The following NRG1 variants were observed in gnomAD, a reference collection of about 807,000 sequenced individuals.
NRG1 encodes pro-neuregulin-1, membrane-bound isoform.
Under a neutral mutation model 63.8 loss-of-function variants are expected in NRG1, and 18 were observed. That is an observed-to-expected ratio of 0.28 (90% CI 0.19 to 0.42). The LOEUF is 0.42. NRG1 is among the 10% of genes least tolerant of loss of function. NRG1 has a pLI of 1.00. For synonymous variants in NRG1, 302 were observed against 301.3 expected (o/e 1.00, Z -0.02); for missense variants, 762 against 814.7 (o/e 0.94, Z 0.79).
At chr8:31,642,422 A>G (rs1803883940) in intron 1 of NRG1, among the ~76,000 whole-genome samples, 1 of 152,230 alleles carries the variant, frequency 6.6e-6, no homozygotes, top group Admixed American at 6.5e-5. Context: ...GTGCATTACT[A>G]CATTATCAAT....
intron 1 of NRG1, among the ~76,000 whole-genome samples, chr8:31,659,059 T>C (rs953189407): frequency 1.3e-5 from 2 of 152,164 alleles, no homozygotes; most frequent in African/African-American, 4.8e-5. Context: ...TGTACCACTC[T>C]CCAGATGTTT....
At chr8:32,750,927 A>G (rs975099072) in intron 7 of NRG1, 1 of 152,032 alleles carries the variant, frequency 6.6e-6, no homozygotes, top group Non-Finnish European at 1.5e-5. Flanking sequence ...CACTTATGAA[A>G]TGGATTATTG....
intron 1 of NRG1, among the ~76,000 whole-genome samples, chr8:31,768,921 C>T (rs1346332515): frequency 2.0e-5 from 3 of 152,290 alleles, no homozygotes; most frequent in Non-Finnish European, 2.9e-5. Flanking sequence ...CAGCTACCTT[C>T]AATAGTGCCA....
chr8:32,497,916 C>T (rs756819668), intron 1 of NRG1, among the ~76,000 whole-genome samples: 39 of 152,146 alleles, frequency 2.6e-4, no homozygotes, highest in Admixed American at 1.9e-3. Flanking sequence ...CTCCCCTTCC[C>T]GGGTTCAAGT....
At chr8:31,797,855 A>G (rs539565226) in intron 1 of NRG1, among the ~76,000 whole-genome samples, 67 of 152,370 alleles carry the variant, frequency 4.4e-4, no homozygotes, top group South Asian at 1.4e-3. Flanking sequence ...CAGCCACCAA[A>G]AGGAATGAAA....
intron 7 of NRG1, among the ~76,000 whole-genome samples, chr8:32,752,134 A>C (rs1261567006): frequency 1.3e-5 from 2 of 152,046 alleles, no homozygotes; most frequent in Admixed American, 6.6e-5. Context: ...CTACACTCCT[A>C]TTTCTTCACC....
At chr8:32,272,827 C>T (rs553245896) in intron 1 of NRG1, among the ~76,000 whole-genome samples, 2 of 152,190 alleles carry the variant, frequency 1.3e-5, no homozygotes, top group African/African-American at 2.4e-5. Context: ...ATGAGTGGTT[C>T]CCAGTAAAAT....
At chr8:32,312,049 G>T (rs185098259) in intron 1 of NRG1, among the ~76,000 whole-genome samples, 105 of 152,232 alleles carry the variant, frequency 6.9e-4, no homozygotes, top group African/African-American at 2.3e-3. Context: ...CCACAAGGTG[G>T]GGCAGTAATG....
At chr8:32,027,441 CTT>C (rs1367083725) in intron 1 of NRG1, among the ~76,000 whole-genome samples, 94 of 126,684 alleles carry the variant, frequency 7.4e-4, no homozygotes, top group Middle Eastern at 3.8e-3. Context: ...TCCTTCCTTC[CTT>C]CCTTCCTTCC....
intron 1 of NRG1, among the ~76,000 whole-genome samples, chr8:31,833,092 C>T (rs150556779): frequency 1.7e-4 from 26 of 151,782 alleles, no homozygotes; most frequent in Non-Finnish European, 2.9e-4. Flanking sequence ...TGCCCAGTGA[C>T]GGATAAGTGT....
intron 1 of NRG1, among the ~76,000 whole-genome samples, chr8:31,897,731 C>T (rs1302500280): frequency 2.6e-5 from 4 of 151,944 alleles, no homozygotes; most frequent in Non-Finnish European, 5.9e-5. Context: ...ATCTTTGAAG[C>T]TGTCCGGGCA....
intron 1 of NRG1, among the ~76,000 whole-genome samples, chr8:32,503,424 C>CT (rs1383692091): frequency 6.8e-6 from 1 of 148,074 alleles, no homozygotes; most frequent in Non-Finnish European, 1.5e-5. Context: ...CTTAGTATAA[C>CT]TTTAAGATTT....
chr8:31,900,977 C>A (rs116588422), intron 1 of NRG1, among the ~76,000 whole-genome samples: 281 of 152,242 alleles, frequency 1.8e-3, no homozygotes, highest in African/African-American at 6.1e-3. Flanking sequence ...TAGTCATATT[C>A]AAATCCCAAA....
At chr8:32,266,862 C>T (rs1586507915) in intron 1 of NRG1, among the ~76,000 whole-genome samples, 2 of 136,374 alleles carry the variant, frequency 1.5e-5, no homozygotes, top group South Asian at 2.4e-4. Flanking sequence ...AGTAAAACCA[C>T]GTCTCTACTA....
chr8:32,408,096 G>A (rs995314886), intron 1 of NRG1, among the ~76,000 whole-genome samples: 1 of 152,190 alleles, frequency 6.6e-6, no homozygotes, highest in African/African-American at 2.4e-5. Flanking sequence ...TAACTCATCA[G>A]AGGCTTGGGT....
chr8:32,386,172 G>T (rs1468440712), intron 1 of NRG1, among the ~76,000 whole-genome samples: 1 of 152,138 alleles, frequency 6.6e-6, no homozygotes, highest in East Asian at 1.9e-4. Flanking sequence ...TGCAGTCATG[G>T]CTCACTGCAG....
At chr8:32,405,472 T>C (rs897504380) in intron 1 of NRG1, among the ~76,000 whole-genome samples, 5 of 152,228 alleles carry the variant, frequency 3.3e-5, no homozygotes, top group African/African-American at 4.8e-5. Context: ...ATCTGTTATA[T>C]ACATAGATGA....
At chr8:32,094,901 T>G (rs1456540028) in intron 1 of NRG1, among the ~76,000 whole-genome samples, 1 of 150,502 alleles carries the variant, frequency 6.6e-6, no homozygotes, top group African/African-American at 2.5e-5. Flanking sequence ...GAACTTTATT[T>G]TTAATTTCAG....
At chr8:31,654,767 G>A (rs1585429756) in intron 1 of NRG1, among the ~76,000 whole-genome samples, 1 of 152,268 alleles carries the variant, frequency 6.6e-6, no homozygotes, top group Non-Finnish European at 1.5e-5. Context: ...GTGAGGCCCT[G>A]TCTGTGCAGA....
Sources: gnomAD v4.1 joint callset for allele counts (sites outside exome capture counted in the v4.1 genomes callset) on GRCh38, gnomAD v4.1.1 for gene constraint, MANE v1.5 for transcripts, NCBI Gene and HGNC (gene_info 2026-07-23, HGNC 2026-07-21) for gene names.